Variants in TMX4 observed in about 807,000 individuals in gnomAD.
TMX4 encodes the protein thioredoxin-related transmembrane protein 4.
Under a neutral mutation model 33.3 loss-of-function variants are expected in TMX4, and 23 were observed. That is an observed-to-expected ratio of 0.69 (90% CI 0.50 to 0.98). TMX4 has a LOEUF of 0.98. Ranked by LOEUF, TMX4 falls within the 50% of genes least tolerant of loss-of-function variation. The pLI is 0.00. For missense variants in TMX4, 399 were observed against 448.9 expected (o/e 0.89, Z 1.01); for synonymous variants, 164 against 161.5 (o/e 1.02, Z -0.12).
intron 1 of TMX4, 54 bp downstream of exon 1, chr20:8,019,384 G>C: frequency 6.7e-7 from 1 of 1,493,776 alleles, no homozygotes; most frequent in Non-Finnish European, 8.9e-7. Context: ...GCGGGCTTGG[G>C]AGGGTGACGC....
At chr20:8,005,795 A>G (rs1318688438) in intron 2 of TMX4, among the ~76,000 whole-genome samples, 1 of 152,160 alleles carries the variant, frequency 6.6e-6, no homozygotes, top group Non-Finnish European at 1.5e-5. Flanking sequence ...AAGTTTGGCC[A>G]GGGTAGTTGG....
intron 1 of TMX4, among the ~76,000 whole-genome samples, chr20:8,018,399 AGG>A (rs1568541023): frequency 2.4e-5 from 1 of 41,794 alleles, no homozygotes; most frequent in Admixed American, 2.6e-4. Flanking sequence ...AGAGGGAGGG[AGG>A]GAGGGAGAGA....
intron 1 of TMX4, among the ~76,000 whole-genome samples, chr20:8,018,433 GGAGA>G (rs59344731): frequency 8.7e-4 from 23 of 26,394 alleles, no homozygotes; most frequent in African/African-American, 4.6e-3. Flanking sequence ...AAGAGAGAGA[GGAGA>G]GAGAGAGAGA....
chr20:7,983,319 A>G (rs2050617157), intron 7 of TMX4, among the ~76,000 whole-genome samples: 1 of 152,232 alleles, frequency 6.6e-6, no homozygotes. Flanking sequence ...ATAAAATTCA[A>G]CAATTAGAAA....
intron 2 of TMX4, among the ~76,000 whole-genome samples, chr20:8,006,253 A>C (rs1022361019): frequency 1.6e-4 from 24 of 152,236 alleles, no homozygotes; most frequent in African/African-American, 5.5e-4. Flanking sequence ...TTCTCGTTTC[A>C]TTGATAAATC....
chr20:7,999,767 C>T lies in TMX4; in HGVS notation c.432G>A (p.Glu144=), dbSNP rs1181945103. Residue 144 remains glutamate, a synonymous_variant, in exon 4 of 8, where the codon GAG becomes GAA. Coordinates refer to ENST00000246024, the MANE Select transcript of TMX4 (RefSeq NM_021156.4). ...YILEKKWQSV[E]PLTGWKSPAS... ...CCGGGGATTTCCAGCCAGTCAGAGG[C>T]TCGACTGATTGCCATTTCTTCTCTA... The T allele has an allele frequency of 6.2e-7, 1 of 1,613,520 alleles. No individual in the cohort carries two copies. The highest frequency in any genetic ancestry group is 8.5e-7 in the Non-Finnish European group (1 of 1,179,818).
At position 7,979,514 on chromosome 20, in the gene TMX4, C is replaced by A. The variant is rs1275072098; in HGVS notation, c.*2737G>T. The A allele has an allele frequency of 1.3e-5, 2 of 151,476 alleles. No homozygotes were observed. Among genetic ancestry groups the A allele is most frequent in the African/African-American group, 4.8e-5 (2 of 41,266 alleles). 9.4% of individuals were successfully genotyped at this position (151,476 alleles called of 1,614,324 possible). ...CAGCACGTTGGGAGGCTGAGGCGGG[C>A]GGATCACCTGAGGTCAGGAGTTCAA... On this transcript the variant is annotated 3_prime_UTR_variant, in exon 8 of 8. Coordinates refer to ENST00000246024, the MANE Select transcript of TMX4 (RefSeq NM_021156.4).
In TMX4 at chr20:7,980,038, G is replaced by A. The variant is rs1038194700; in HGVS notation, c.*2213C>T. 6.6e-6 allele frequency: 1 copy of A among 152,154 alleles called. No homozygotes were observed. The highest frequency in any genetic ancestry group is 1.5e-5 in the Non-Finnish European group (1 of 68,042). The allele number at this position is 152,154 out of a possible 1,614,324, so 9.4% of individuals were successfully genotyped here. Reference sequence around the variant, plus strand: ...ACTGCCACCTGTCAAATGAGGTCAGGTGTAAAATTTTCCACTTCTGACGGA... The same window carrying A: ...ACTGCCACCTGTCAAATGAGGTCAGATGTAAAATTTTCCACTTCTGACGGA... On this transcript the variant is annotated 3_prime_UTR_variant, in exon 8 of 8. Transcript: ENST00000246024.
rs887195986 is a variant in TMX4 at position 8,015,584 on chromosome 20, C to A, written c.176+3854G>T. 2.0e-5 allele frequency among the ~76,000 whole-genome samples: 3 copies of A among 152,228 alleles called. No homozygotes were observed. In the East Asian group the frequency reaches 5.8e-4, roughly 29 times the overall value. ...TGGAAGGCTCATTCTTCTTCACCTTCCCAGCTCCCCAACACTGAACCTGAC... is the reference window on the plus strand; with the variant it reads ...TGGAAGGCTCATTCTTCTTCACCTTACCAGCTCCCCAACACTGAACCTGAC... On this transcript the variant is annotated intron_variant, in intron 1 of 7. Transcript: ENST00000246024.
At chr20:8,012,815 T>C (rs7266941) in intron 1 of TMX4, among the ~76,000 whole-genome samples, 3,231 of 152,210 alleles carry the variant, frequency 0.021, 45 homozygotes, top group Non-Finnish European at 0.03. Flanking sequence ...GCCACTGAGG[T>C]AATTTTAGAT....
intron 4 of TMX4, among the ~76,000 whole-genome samples, chr20:7,996,299 C>T (rs905037606): frequency 6.6e-6 from 1 of 152,060 alleles, no homozygotes; most frequent in Non-Finnish European, 1.5e-5. Flanking sequence ...ATTGTGCCTA[C>T]CCGGCAAAAA....
intron 1 of TMX4, among the ~76,000 whole-genome samples, chr20:8,012,884 C>T (rs2050758509): frequency 6.6e-6 from 1 of 152,010 alleles, no homozygotes; most frequent in Non-Finnish European, 1.5e-5. Flanking sequence ...GCCATTATTT[C>T]ACAGATTTAA....
intron 2 of TMX4, among the ~76,000 whole-genome samples, chr20:8,004,986 A>G (rs1046087488): frequency 3.3e-5 from 5 of 152,226 alleles, no homozygotes; most frequent in African/African-American, 1.2e-4. Context: ...ACACAATGAA[A>G]AAAAGGAGAA....
chr20:7,997,088 A>G (rs1393101882), intron 4 of TMX4, among the ~76,000 whole-genome samples: 1 of 152,024 alleles, frequency 6.6e-6, no homozygotes, highest in Non-Finnish European at 1.5e-5. Flanking sequence ...AAAATGGCAG[A>G]CCTTGGTTTT....
chr20:7,986,586 G>C (rs943431507), intron 6 of TMX4, among the ~76,000 whole-genome samples: 3 of 151,748 alleles, frequency 2.0e-5, no homozygotes, highest in African/African-American at 7.3e-5. Flanking sequence ...GTTTAATTAG[G>C]GTTTAAAATG....
chr20:8,010,404 T>C, intron 1 of TMX4, 89 bp from the exon 2 acceptor site: 1 of 842,634 alleles, frequency 1.2e-6, no homozygotes, highest in Non-Finnish European at 1.6e-6. Context: ...AAAAAATAAA[T>C]TATTAAAAAA....
intron 5 of TMX4, among the ~76,000 whole-genome samples, chr20:7,994,233 CAT>C (rs1479213117): frequency 6.6e-6 from 1 of 151,956 alleles, no homozygotes; most frequent in African/African-American, 2.4e-5. Context: ...ATTTATATAA[CAT>C]ATATATTCTA....
At chr20:7,986,557 G>A (rs1301115294) in intron 6 of TMX4, among the ~76,000 whole-genome samples, 1 of 151,912 alleles carries the variant, frequency 6.6e-6, no homozygotes, top group Non-Finnish European at 1.5e-5. Flanking sequence ...ACAATATAAA[G>A]GTTTTTAAAA....
intron 4 of TMX4, among the ~76,000 whole-genome samples, chr20:7,997,770 T>C (rs1335944408): frequency 6.6e-6 from 1 of 152,242 alleles, no homozygotes; most frequent in Non-Finnish European, 1.5e-5. Flanking sequence ...ATTGCTTTGC[T>C]AAATATCCTT....
Sources: allele counts gnomAD v4.1 joint callset (sites outside exome capture counted in the v4.1 genomes callset), GRCh38; gene constraint gnomAD v4.1.1; transcripts MANE v1.5; gene names NCBI Gene and HGNC (gene_info 2026-07-23, HGNC 2026-07-21).